The following SLC8A1 variants were observed in gnomAD, a reference collection of about 807,000 sequenced individuals.
SLC8A1 encodes sodium/calcium exchanger 1.
A neutral mutation model predicts 68.3 loss-of-function variants in SLC8A1; 18 were observed. The ratio of observed to expected loss-of-function variants is 0.26; its 90% confidence interval spans 0.18 to 0.39. The LOEUF is 0.39. Ranked by LOEUF, SLC8A1 falls within the 10% of genes least tolerant of loss-of-function variation. The pLI, the probability that SLC8A1 is intolerant of heterozygous loss-of-function variation, is 1.00. For missense variants in SLC8A1, 985 were observed against 1,156.7 expected, an observed-to-expected ratio of 0.85 and a Z score of 2.15; for synonymous variants, 475 against 415.5, an observed-to-expected ratio of 1.14 and a Z score of -1.74.
chr2:40,205,821 A>AG (rs978855657), intron 2 of SLC8A1, among the ~76,000 whole-genome samples: 26 of 151,382 alleles, frequency 1.7e-4, no homozygotes, highest in Non-Finnish European at 3.5e-4. Flanking sequence ...ATCTTGAAAA[A>AG]AAAAAAAAAA....
chr2:40,412,648 T>G (rs1226030484), intron 2 of SLC8A1, among the ~76,000 whole-genome samples: 1 of 152,162 alleles, frequency 6.6e-6, no homozygotes, highest in Non-Finnish European at 1.5e-5. Flanking sequence ...GTAATGTTAT[T>G]GACTTCAGAA....
At chr2:40,329,902 C>A (rs1286738025) in intron 2 of SLC8A1, among the ~76,000 whole-genome samples, 1 of 151,990 alleles carries the variant, frequency 6.6e-6, no homozygotes, top group East Asian at 1.9e-4. Context: ...AATTTATGAC[C>A]AACCCTCCAG....
intron 4 of SLC8A1, among the ~76,000 whole-genome samples, chr2:40,165,580 C>T (rs954581084): frequency 1.3e-5 from 2 of 152,172 alleles, no homozygotes; most frequent in Admixed American, 1.3e-4. Flanking sequence ...GGCTCCAGTG[C>T]TGCTTCAGTC....
chr2:40,129,087 C>A (rs2038778760), intron 7 of SLC8A1, among the ~76,000 whole-genome samples: 1 of 152,104 alleles, frequency 6.6e-6, no homozygotes, highest in African/African-American at 2.4e-5. Context: ...AGTGAATTTA[C>A]TAAAAATCAT....
At chr2:40,420,987 G>T (rs980676439) in intron 2 of SLC8A1, among the ~76,000 whole-genome samples, 2 of 152,096 alleles carry the variant, frequency 1.3e-5, no homozygotes, top group African/African-American at 4.8e-5. Context: ...ACTTGATATA[G>T]TTGCAAAGAT....
chr2:40,133,905 A>G (rs1322842807), intron 7 of SLC8A1, among the ~76,000 whole-genome samples: 1 of 152,172 alleles, frequency 6.6e-6, no homozygotes, highest in Non-Finnish European at 1.5e-5. Flanking sequence ...AGAATGTCCA[A>G]TGACTAGGTG....
intron 2 of SLC8A1, among the ~76,000 whole-genome samples, chr2:40,426,110 C>G (rs1160557483): frequency 6.6e-6 from 1 of 151,922 alleles, no homozygotes; most frequent in Non-Finnish European, 1.5e-5. Flanking sequence ...AGTAATACAA[C>G]TCTACGAAGT....
intron 3 of SLC8A1, among the ~76,000 whole-genome samples, chr2:40,176,283 G>C (rs2048456892): frequency 1.3e-5 from 2 of 152,104 alleles, no homozygotes; most frequent in African/African-American, 4.8e-5. Flanking sequence ...TGTGAAACTG[G>C]ATAGTGCTAT....
At chr2:40,377,403 T>C (rs183423319) in intron 2 of SLC8A1, among the ~76,000 whole-genome samples, 30 of 152,228 alleles carry the variant, frequency 2.0e-4, no homozygotes, top group African/African-American at 7.0e-4. Context: ...AAACACTGCA[T>C]GGTCTTCTAA....
intron 2 of SLC8A1, among the ~76,000 whole-genome samples, chr2:40,335,283 G>A (rs1272329747): frequency 2.6e-5 from 4 of 152,120 alleles, no homozygotes; most frequent in Admixed American, 2.0e-4. Flanking sequence ...GTTTAGCAAT[G>A]TGCTCATATA....
chr2:40,426,969 T>A (rs895293284), intron 2 of SLC8A1, among the ~76,000 whole-genome samples: 1 of 152,026 alleles, frequency 6.6e-6, no homozygotes, highest in African/African-American at 2.4e-5. Context: ...CTTTCTTGGA[T>A]ATGAAGGATA....
intron 2 of SLC8A1, among the ~76,000 whole-genome samples, chr2:40,229,444 A>T (rs2059376686): frequency 6.6e-6 from 1 of 152,112 alleles, no homozygotes; most frequent in African/African-American, 2.4e-5. Context: ...AATCTCCTTA[A>T]TTTTTTTCAA....
At chr2:40,276,587 C>T (rs902468766) in intron 2 of SLC8A1, among the ~76,000 whole-genome samples, 1 of 152,160 alleles carries the variant, frequency 6.6e-6, no homozygotes, top group Non-Finnish European at 1.5e-5. Context: ...TGAGTGACTT[C>T]TACTTAAATC....
In SLC8A1 at chr2:40,500,795, C is replaced by CTTTTTT. The variant is rs1191619172; in HGVS notation, c.-25+11548_-25+11553dup. Among the ~76,000 whole-genome samples the CTTTTTT allele has an allele frequency of 1.1e-3, 41 of 37,248 alleles. 1 individual carries two copies. The highest frequency in any genetic ancestry group is 3.0e-3 in the East Asian group (3 of 984). The allele number at this position is 37,248 out of a possible 152,430, so 24.4% of individuals were successfully genotyped here. A position where few individuals can be genotyped will look rare whatever the true frequency, so the allele number is the denominator to read the frequency against. Reference sequence around the variant, plus strand: ...TATAAGGTAAGGTATTATCATCTGACTTTTTTTTTTTTTTTTTTTTTTTTT... The same window carrying CTTTTTT: ...TATAAGGTAAGGTATTATCATCTGACTTTTTTTTTTTTTTTTTTTTTTTTTTTTTTT... On this transcript the variant is annotated intron_variant, in intron 1 of 7. Coordinates refer to the SLC8A1 transcript ENST00000402441.
chr2:40,292,841 C>A (rs757860011), intron 2 of SLC8A1, among the ~76,000 whole-genome samples: 1 of 152,152 alleles, frequency 6.6e-6, no homozygotes, highest in African/African-American at 2.4e-5. Flanking sequence ...TATTCTCTTA[C>A]CAAACTCTGT....
chr2:40,356,074 C>G (rs1202565763), intron 2 of SLC8A1, among the ~76,000 whole-genome samples: 1 of 152,154 alleles, frequency 6.6e-6, no homozygotes, highest in East Asian at 1.9e-4. Flanking sequence ...CAAAATGGAG[C>G]TGAGATGCCT....
chr2:40,346,084 AAAAG>A (rs1472074789), intron 2 of SLC8A1, among the ~76,000 whole-genome samples: 1 of 151,408 alleles, frequency 6.6e-6, no homozygotes, highest in Non-Finnish European at 1.5e-5. Flanking sequence ...GAAAGAAAGA[AAAAG>A]AAAACCCTCA....
intron 1 of SLC8A1, among the ~76,000 whole-genome samples, chr2:40,510,842 C>T (rs755063825): frequency 1.3e-5 from 2 of 151,738 alleles, no homozygotes; most frequent in Non-Finnish European, 2.9e-5. Flanking sequence ...GGAAACAATC[C>T]CTTAGTATTG....
intron 2 of SLC8A1, among the ~76,000 whole-genome samples, chr2:40,221,512 G>T (rs953148494): frequency 1.3e-5 from 2 of 152,168 alleles, no homozygotes; most frequent in Non-Finnish European, 2.9e-5. Context: ...ATTCAACATA[G>T]TATTGGAAGT....
Sources: allele counts gnomAD v4.1 joint callset (sites outside exome capture counted in the v4.1 genomes callset), GRCh38; gene constraint gnomAD v4.1.1; transcripts MANE v1.5; gene names NCBI Gene and HGNC (gene_info 2026-07-23, HGNC 2026-07-21).